GPRC5B: variants seen among roughly 807,000 people sequenced by gnomAD.
GPRC5B encodes G protein-coupled receptor class C group 5 member B.
GPRC5B carries 16 observed loss-of-function variants against 30.1 expected under a neutral mutation model. The observed-to-expected ratio is 0.53, with a 90% CI of 0.36 to 0.81. The LOEUF is 0.81. Among genes scored for constraint, GPRC5B ranks in the 30% least tolerant of loss-of-function variants. The pLI, the probability that GPRC5B is intolerant of heterozygous loss-of-function variation, is 0.01. For missense variants in GPRC5B, 428 were observed against 544.7 expected, an observed-to-expected ratio of 0.79 and a Z score of 2.13; for synonymous variants, 241 against 239.5, an observed-to-expected ratio of 1.01 and a Z score of -0.06.
In GPRC5B at chr16:19,859,907, C is replaced by G. The variant is rs1260664010; in HGVS notation, c.*593G>C. The G allele has an allele frequency of 6.5e-6, 1 of 153,008 alleles. No homozygotes were observed. Among genetic ancestry groups the G allele is most frequent in the Admixed American group, 6.5e-5 (1 of 15,292 alleles). The allele number at this position is 153,008 out of a possible 1,614,324, so 9.5% of individuals were successfully genotyped here. A position where few individuals can be genotyped will look rare whatever the true frequency, so the allele number is the denominator to read the frequency against. The stretch of plus-strand genomic sequence containing the variant: ...ACATGCCAGGGTCCCTCCACCTCTA[C>G]TGGCTATAAAGCTCACCCCACGATT... On this transcript the variant is annotated 3_prime_UTR_variant, in exon 4 of 4. Coordinates refer to ENST00000300571, the MANE Select transcript of GPRC5B (RefSeq NM_016235.3).
Position 19,872,219 on chromosome 16 carries a change from T to A in GPRC5B, c.627A>T (p.Val209=). 6.2e-7 allele frequency: 1 copy of A among 1,614,088 alleles called. No homozygotes were observed. Among genetic ancestry groups the A allele is most frequent in the Non-Finnish European group, 8.5e-7 (1 of 1,180,008 alleles). The part of the protein sequence containing the change: ...DFVMALIYDM[V]LLVVTLGLAL... The stretch of plus-strand genomic sequence containing the variant: ...CCAGCCCCAGGGTGACCACAAGCAG[T>A]ACCATGTCGTAGATGAGGGCCATCA... Residue 209 remains valine, a synonymous_variant, in exon 2 of 4, where the codon GTA becomes GTT. Coordinates refer to ENST00000300571, the MANE Select transcript of GPRC5B (RefSeq NM_016235.3). The surrounding 1 kb of genome is among the most constrained non-coding windows in gnomAD (Gnocchi z 5.0).
In GPRC5B at chr16:19,872,149, C is replaced by T. The variant is rs759901184; in HGVS notation, c.697G>A (p.Gly233Arg). 20 of 1,614,012 alleles carry T rather than the reference C, an allele frequency of 1.2e-5. No individual in the cohort carries two copies. The East Asian group carries it at 1.3e-4, about 11-fold the overall frequency. The change falls in exon 2 of 4, where the codon GGG becomes AGG. Residue 233 changes from glycine (G) to arginine (R), a missense_variant. Coordinates refer to ENST00000300571, the MANE Select transcript of GPRC5B (RefSeq NM_016235.3). The surrounding 1 kb of genome is among the most constrained non-coding windows in gnomAD (Gnocchi z 5.0). Reference sequence around the variant, plus strand: ...AAGGCTGTGATGAGGAGGAAGGCCCCGTTCAGCTTCCACCTCTTGAACTTG... The same window carrying T: ...AAGGCTGTGATGAGGAGGAAGGCCCTGTTCAGCTTCCACCTCTTGAACTTG... ...CGKFKRWKLNGAFLLITAFLS... is the reference protein window; with the variant it reads ...CGKFKRWKLNRAFLLITAFLS...
At chr16:19,870,245 T>A (rs985968471) in intron 2 of GPRC5B, among the ~76,000 whole-genome samples, 2 of 152,192 alleles carry the variant, frequency 1.3e-5, no homozygotes, top group Non-Finnish European at 2.9e-5. Context: ...AGCTCATTAA[T>A]GTGCTTGTTT....
intron 2 of GPRC5B, among the ~76,000 whole-genome samples, chr16:19,863,683 A>T (rs2056644992): frequency 6.6e-6 from 1 of 151,712 alleles, no homozygotes; most frequent in Admixed American, 6.6e-5. Context: ...TTGTGTTTTT[A>T]GTAGAGACAG....
chr16:19,877,658 G>A (rs948398884), intron 1 of GPRC5B, among the ~76,000 whole-genome samples: 3 of 152,150 alleles, frequency 2.0e-5, no homozygotes, highest in Non-Finnish European at 4.4e-5. Flanking sequence ...TGTACTTCGC[G>A]TATATTAATA....
chr16:19,874,960 C>A (rs528530415), intron 1 of GPRC5B, among the ~76,000 whole-genome samples: 3 of 151,846 alleles, frequency 2.0e-5, no homozygotes, highest in African/African-American at 2.4e-5. Flanking sequence ...GTTTCCTGGC[C>A]TCTCAAGCCA....
Position 19,872,176 on chromosome 16 carries a change from C to G in GPRC5B, c.670G>C (p.Gly224Arg). The G allele has an allele frequency of 6.2e-7, 1 of 1,614,110 alleles. No individual in the cohort carries two copies. The highest frequency in any genetic ancestry group is 8.5e-7 in the Non-Finnish European group (1 of 1,180,008). The change falls in exon 2 of 4, where the codon GGC becomes CGC. Residue 224 changes from glycine to arginine, a missense_variant. Gly to Arg is a moderately radical substitution (Grantham distance 125). This residue lies in a region of GPRC5B where 213 missense variants were observed against 229.1 expected (regional missense o/e 0.93). Transcript: ENST00000300571. The surrounding 1 kb of genome is among the most constrained non-coding windows in gnomAD (Gnocchi z 5.0). ...TLGLALFTLC[G>R]KFKRWKLNGA... ...TTCAGCTTCCACCTCTTGAACTTGC[C>G]GCACAGAGTGAAGAGGGCCAGCCCC...
At chr16:19,862,062 C>T in intron 2 of GPRC5B, 89 bp from the exon 3 acceptor site, 2 of 1,129,794 alleles carry the variant, frequency 1.8e-6, no homozygotes, top group Non-Finnish European at 1.3e-6. Context: ...GCGCTCCGGG[C>T]ACCCCCATCC....
chr16:19,868,750 G>A (rs1429429277), intron 2 of GPRC5B, among the ~76,000 whole-genome samples: 1 of 152,180 alleles, frequency 6.6e-6, no homozygotes, highest in African/African-American at 2.4e-5. Flanking sequence ...CTAGCGGAGA[G>A]GCCACTGGCG....
At chr16:19,884,936 C>T (rs1249526351), upstream of GPRC5B, 42 of 919,284 alleles carry the variant, frequency 4.6e-5, no homozygotes, top group Non-Finnish European at 5.1e-5. Context: ...CCCCCGCCCC[C>T]GGCCGGCCCC....
At chr16:19,871,761 T>A in intron 2 of GPRC5B, 55 bp downstream of exon 2, 1 of 1,494,178 alleles carries the variant, frequency 6.7e-7, no homozygotes, top group South Asian at 1.2e-5. Flanking sequence ...AAGAAGAGTA[T>A]CTTTTGAGAT....
rs564083468 is a variant in GPRC5B, at chr16:19,873,332, C to T, written c.-1-486G>A. Among the ~76,000 whole-genome samples the T allele has an allele frequency of 1.6e-4, 24 of 151,964 alleles. No homozygotes were observed. In the East Asian group the frequency reaches 4.5e-3, roughly 28 times the overall value. On this transcript the variant is annotated intron_variant, in intron 1 of 3. Coordinates refer to ENST00000300571, the MANE Select transcript of GPRC5B (RefSeq NM_016235.3). ...TACAAAAATTAGCTGGGCATGGTGG[C>T]GGGCGCCTGTAATCCCAGCTACTTG...
At chr16:19,873,779 T>C (rs904822559) in intron 1 of GPRC5B, among the ~76,000 whole-genome samples, 1 of 152,040 alleles carries the variant, frequency 6.6e-6, no homozygotes, top group African/African-American at 2.4e-5. Context: ...AGCATTTCTT[T>C]CCTTTTTTGT....
At position 19,871,804 on chromosome 16, in the gene GPRC5B, T is replaced by C; in HGVS notation, c.1030+12A>G. On this transcript the variant is annotated intron_variant, in intron 2 of 3. Coordinates refer to ENST00000300571, the MANE Select transcript of GPRC5B (RefSeq NM_016235.3). Reference sequence around the variant, plus strand: ...CCCCCGGCCTGACCCAGCCGGGTGGTGCCCACTTTACCTGCATTGTGTTCA... The same window carrying C: ...CCCCCGGCCTGACCCAGCCGGGTGGCGCCCACTTTACCTGCATTGTGTTCA... The C allele has an allele frequency of 6.2e-7, 1 of 1,607,514 alleles. No individual in the cohort carries two copies. Among genetic ancestry groups the C allele is most frequent in the Non-Finnish European group, 8.5e-7 (1 of 1,174,840 alleles).
chr16:19,867,199 C>T (rs1259244370), intron 2 of GPRC5B, among the ~76,000 whole-genome samples: 1 of 152,196 alleles, frequency 6.6e-6, no homozygotes, highest in African/African-American at 2.4e-5. Flanking sequence ...CGCTTAAGCG[C>T]TTTATGGAGA....
intron 2 of GPRC5B, among the ~76,000 whole-genome samples, chr16:19,866,627 G>C (rs1381665527): frequency 6.6e-6 from 1 of 152,058 alleles, no homozygotes; most frequent in East Asian, 1.9e-4. Flanking sequence ...CAATCTGCCC[G>C]CCTCGGCCTC....
At chr16:19,879,565 G>A (rs1424228678) in intron 1 of GPRC5B, among the ~76,000 whole-genome samples, 5 of 152,130 alleles carry the variant, frequency 3.3e-5, no homozygotes, top group Non-Finnish European at 7.3e-5. Flanking sequence ...AGGCAGGCAG[G>A]ATTCCTTGTG....
At chr16:19,874,746 T>C (rs1303148373) in intron 1 of GPRC5B, 1 of 152,282 alleles carries the variant, frequency 6.6e-6, no homozygotes, top group African/African-American at 2.4e-5. Flanking sequence ...ATGAGAACCA[T>C]GGCTGTAGAC....
At chr16:19,875,530 C>T (rs2056753853) in intron 1 of GPRC5B, among the ~76,000 whole-genome samples, 1 of 152,176 alleles carries the variant, frequency 6.6e-6, no homozygotes, top group Non-Finnish European at 1.5e-5. Context: ...GTAATCCCAG[C>T]ACTTTGGGAG....
Sources: allele counts gnomAD v4.1 joint callset (sites outside exome capture counted in the v4.1 genomes callset), GRCh38; gene constraint gnomAD v4.1.1; regional missense constraint gnomAD v4.1.1; non-coding constraint Gnocchi (gnomAD v3.1); transcripts MANE v1.5; gene names NCBI Gene and HGNC (gene_info 2026-07-23, HGNC 2026-07-21).